SMIM9: variants seen among roughly 807,000 people sequenced by gnomAD.
SMIM9 encodes the protein small integral membrane protein 9.
A neutral mutation model predicts 7.2 loss-of-function variants in SMIM9; 8 were observed. That is an observed-to-expected ratio of 1.10 (90% CI 0.65 to 1.99). The LOEUF is 1.99. Among genes scored for constraint, SMIM9 ranks in the 30% most tolerant of loss-of-function variants. The pLI, the probability that SMIM9 is intolerant of heterozygous loss-of-function variation, is 0.00. For synonymous variants in SMIM9, 19 were observed against 26.4 expected, an observed-to-expected ratio of 0.72 and a Z score of 0.86; for missense variants, 76 against 69.3, an observed-to-expected ratio of 1.10 and a Z score of -0.34.
intron 4 of SMIM9, among the ~76,000 whole-genome samples, chrX:154,825,112 G>A (rs1430876205): frequency 2.7e-5 from 3 of 112,065 alleles, no homozygotes; most frequent in Admixed American, 1.9e-4. Context: ...TAACTTGGCT[G>A]GGCGCGGTGA....
At chrX:154,833,831 C>CA (rs781789107) in intron 1 of SMIM9, among the ~76,000 whole-genome samples, 18 of 111,441 alleles carry the variant, frequency 1.6e-4, no homozygotes, top group Non-Finnish European at 1.9e-5. Flanking sequence ...GAAGAACTGG[C>CA]AAAAATGGTA....
At chrX:154,828,237 C>T (rs1217909579) in intron 4 of SMIM9, among the ~76,000 whole-genome samples, 4 of 111,637 alleles carry the variant, frequency 3.6e-5, no homozygotes, top group African/African-American at 9.8e-5. Flanking sequence ...TCTCTCAAGT[C>T]TGAGGGTGGC....
intron 2 of SMIM9, among the ~76,000 whole-genome samples, chrX:154,831,290 GCTC>G (rs1336630766): frequency 9.9e-5 from 11 of 111,287 alleles, no homozygotes; most frequent in Admixed American, 2.9e-4. Context: ...ACTCTAAACA[GCTC>G]CTCATTTTTG....
At chrX:154,823,825 G>A in intron 4 of SMIM9, 43 bp from the exon 5 acceptor site, 3 of 1,122,349 alleles carry the variant, frequency 2.7e-6, no homozygotes, top group Non-Finnish European at 3.5e-6. Flanking sequence ...GCACAGAGTT[G>A]CTATATAATT....
chrX:154,824,334 C>A (rs1160887911), intron 4 of SMIM9, among the ~76,000 whole-genome samples: 1 of 78,106 alleles, frequency 1.3e-5, no homozygotes, highest in Non-Finnish European at 2.3e-5. Context: ...CCAGCCTGGG[C>A]GACAGAGCGA....
intron 3 of SMIM9, 100 bp downstream of exon 3, chrX:154,830,615 C>A: frequency 9.6e-7 from 1 of 1,037,114 alleles, no homozygotes. Flanking sequence ...TTCCTATGAA[C>A]ATTCTTTTTA....
rs193224360 is a variant in SMIM9 at position 154,830,132 on chromosome X, A to G, written c.143-468T>C. Among the ~76,000 whole-genome samples the G allele has an allele frequency of 4.7e-3, 523 of 111,141 alleles. 1 individual carries two copies. Among genetic ancestry groups the G allele is most frequent in the African/African-American group, 0.016 (495 of 30,542 alleles). ...CACTGGAAGAAGGACCTCTAGGGGG[A>G]GTTTGCTGATCAATGTAAGGCTGGG... On this transcript the variant is annotated intron_variant, in intron 3 of 4. Transcript: ENST00000369529.
chrX:154,829,472 C>G (rs782397678), intron 4 of SMIM9, 63 bp downstream of exon 4: 1 of 1,131,592 alleles, frequency 8.8e-7, no homozygotes, highest in African/African-American at 1.8e-5. Context: ...CAACCTGTTT[C>G]TGTTCCCACC....
At chrX:154,834,256 A>C (rs1443993260) in intron 1 of SMIM9, among the ~76,000 whole-genome samples, 1 of 112,481 alleles carries the variant, frequency 8.9e-6, no homozygotes, top group Non-Finnish European at 1.9e-5. Flanking sequence ...CAAGCTTCTA[A>C]CTTCGATGGT....
At position 154,823,633 on chromosome X, in the gene SMIM9, G is replaced by C; in HGVS notation, c.*122C>G. On this transcript the variant is annotated 3_prime_UTR_variant, in exon 5 of 5. Transcript: ENST00000369529. ...AAAATGAAGGCAAAGGATGATTCAAGTTGGAAGACGATTTAATTTCAACTG... is the reference window on the plus strand; with the variant it reads ...AAAATGAAGGCAAAGGATGATTCAACTTGGAAGACGATTTAATTTCAACTG... 1 of 619,089 alleles carries C rather than the reference G, an allele frequency of 1.6e-6. No homozygotes were observed. The highest frequency in any genetic ancestry group is 2.3e-6 in the Non-Finnish European group (1 of 432,005). 51.0% of individuals were successfully genotyped at this position (619,089 alleles called of 1,213,427 possible).
chrX:154,830,719 T>C lies in SMIM9; in HGVS notation c.138A>G (p.Ser46=). Residue 46 remains serine, a synonymous_variant, in exon 3 of 5, where the codon TCA becomes TCG. Coordinates refer to ENST00000369529, the MANE Select transcript of SMIM9 (RefSeq NM_001162936.4). ...IQEKTGSKPR[S]GGNHRSWLNN... ...TCATCCTAACAGCAAACACACCCCC[T>C]GAGCGTGGTTTCGATCCTGTTTTTT... 8.6e-7 allele frequency: 1 copy of C among 1,167,603 alleles called. No homozygotes were observed.
intron 3 of SMIM9, 138 bp downstream of exon 3, chrX:154,830,576 TA>T: frequency 1.2e-6 from 1 of 828,564 alleles, no homozygotes; most frequent in Non-Finnish European, 1.7e-6. Flanking sequence ...CTTGTTGAAC[TA>T]AATTGAACCA....
chrX:154,828,865 ATTCTCTATTCCCTTTTAG>A (rs1317549942), intron 4 of SMIM9, among the ~76,000 whole-genome samples: 1 of 110,942 alleles, frequency 9.0e-6, no homozygotes, highest in African/African-American at 3.3e-5. Flanking sequence ...CCCCATTTCT[ATTCTCTATTCCCTTTTAG>A]TTCCTCTTGC....
chrX:154,830,150 A>G (rs1178487154), intron 3 of SMIM9, among the ~76,000 whole-genome samples: 3 of 111,322 alleles, frequency 2.7e-5, no homozygotes, highest in Admixed American at 9.5e-5. Flanking sequence ...GATCAATGTA[A>G]GGCTGGGGAT....
At position 154,823,386 on chromosome X, in the gene SMIM9, T is replaced by C; in HGVS notation, c.*369A>G. The C allele has an allele frequency of 7.0e-6, 1 of 142,683 alleles. No homozygotes were observed. The highest frequency in any genetic ancestry group is 1.4e-5 in the Non-Finnish European group (1 of 72,709). The allele number at this position is 142,683 out of a possible 1,213,427, so 11.8% of individuals were successfully genotyped here. On this transcript the variant is annotated 3_prime_UTR_variant, in exon 5 of 5. Transcript: ENST00000369529. ...ACTTTTATTAAAACAGAACTATTGT[T>C]TCACAGAACAGACTTTGGAAAACTT... is the stretch of plus-strand genomic sequence containing the variant.
At chrX:154,829,165 A>G (rs1569559159) in intron 4 of SMIM9, among the ~76,000 whole-genome samples, 1 of 112,309 alleles carries the variant, frequency 8.9e-6, no homozygotes, top group Non-Finnish European at 1.9e-5. Flanking sequence ...GTAGATAAAT[A>G]TTATGATAAA....
intron 1 of SMIM9, among the ~76,000 whole-genome samples, chrX:154,833,795 A>C (rs1173244825): frequency 2.7e-5 from 3 of 112,382 alleles, no homozygotes; most frequent in Non-Finnish European, 5.6e-5. Context: ...ATATTAAAAA[A>C]ATTAAAAAAA....
At chrX:154,827,988 G>A (rs1319692561) in intron 4 of SMIM9, among the ~76,000 whole-genome samples, 1 of 111,979 alleles carries the variant, frequency 8.9e-6, no homozygotes, top group Non-Finnish European at 1.9e-5. Context: ...TTTCAGCCAT[G>A]TGGGACAACC....
chrX:154,829,486 C>T (rs1557270402), intron 4 of SMIM9, 49 bp downstream of exon 4: 1 of 1,154,828 alleles, frequency 8.7e-7, no homozygotes, highest in South Asian at 2.0e-5. Flanking sequence ...TCCCACCCCC[C>T]TTCACATTCC....
Sources: allele counts gnomAD v4.1 joint callset (sites outside exome capture counted in the v4.1 genomes callset), GRCh38; gene constraint gnomAD v4.1.1; transcripts MANE v1.5; gene names NCBI Gene and HGNC (gene_info 2026-07-23, HGNC 2026-07-21).